The following PIAS2 variants were observed in gnomAD, a reference collection of about 807,000 sequenced individuals.
The protein encoded by PIAS2 is E3 SUMO-protein ligase PIAS2.
PIAS2 carries 19 observed loss-of-function variants against 69.7 expected under a neutral mutation model. The observed-to-expected ratio is 0.27, with a 90% CI of 0.19 to 0.40. The LOEUF is 0.40. Ranked by LOEUF, PIAS2 falls within the 10% of genes least tolerant of loss-of-function variation. The pLI is 1.00. For synonymous variants in PIAS2, 261 were observed against 263.2 expected (o/e 0.99, Z 0.08); for missense variants, 624 against 757.0 (o/e 0.82, Z 2.06).
At chr18:46,899,984 AT>A (rs1283170179) in intron 1 of PIAS2, among the ~76,000 whole-genome samples, 4 of 152,184 alleles carry the variant, frequency 2.6e-5, no homozygotes, top group Non-Finnish European at 4.4e-5. Context: ...GCAAGGGTGC[AT>A]TTTGGGAGGC....
chr18:46,916,895 A>G (rs536451236), intron 1 of PIAS2: 607 of 985,498 alleles, frequency 6.2e-4, no homozygotes, highest in Admixed American at 7.4e-4. Flanking sequence ...AGCTTTCAGA[A>G]AACAGTCCTC....
At chr18:46,889,991 A>G (rs1348883966) in intron 2 of PIAS2, among the ~76,000 whole-genome samples, 1 of 152,238 alleles carries the variant, frequency 6.6e-6, no homozygotes, top group African/African-American at 2.4e-5. Flanking sequence ...AATGTATACT[A>G]TTGTATTATT....
rs546859794 is a variant in PIAS2 at position 46,891,025 on chromosome 18, T to C, written c.54A>G (p.Glu18=). 1.4e-4 allele frequency: 226 copies of C among 1,601,138 alleles called. 2 individuals are homozygous for C. The South Asian group carries it at 2.0e-3, about 14-fold the overall frequency. ...CAGCAAAGCCTAGTAATACTTGTAG[T>C]TCAGAAACCCTAAAACTAGAAACCA... is the stretch of plus-strand genomic sequence containing the variant. ...RNMVSSFRVS[E]LQVLLGFAGR... The change falls in exon 2 of 14, where the codon GAA becomes GAG. Residue 18 remains glutamate, a synonymous_variant. Transcript: ENST00000585916.
chr18:46,855,640 G>A (rs1267857112), intron 3 of PIAS2, 25 bp from the exon 4 acceptor site: 1 of 1,564,678 alleles, frequency 6.4e-7, no homozygotes, highest in Non-Finnish European at 8.8e-7. Context: ...AAGAAAATGG[G>A]TTAAAAAAGT....
chr18:46,896,864 G>C (rs1404958674), intron 1 of PIAS2, among the ~76,000 whole-genome samples: 1 of 152,202 alleles, frequency 6.6e-6, no homozygotes, highest in Non-Finnish European at 1.5e-5. Flanking sequence ...CATAAATTAA[G>C]TAAATTGCTT....
At position 46,890,823 on chromosome 18, in the gene PIAS2, C is replaced by A. The variant is rs1240733771; in HGVS notation, c.256G>T (p.Asp86Tyr). ...GGTTCTACAGGTGATGAGCCACCAT[C>A]CAAACTGAAAACCGATGATTTGATT... ...STIKSSVFSLDGGSSPVEPDL... is the reference protein window; with the variant it reads ...STIKSSVFSLYGGSSPVEPDL... Residue 86 changes from aspartate to tyrosine, a missense_variant, in exon 2 of 14, where the codon GAT becomes TAT. Physicochemically the swap from Asp to Tyr is radical, Grantham distance 160. Transcript: ENST00000585916. The A allele has an allele frequency of 5.6e-6, 9 of 1,614,206 alleles. No individual in the cohort carries two copies. The South Asian group carries it at 9.9e-5, about 18-fold the overall frequency.
At chr18:46,918,802 T>C (rs2058306404), upstream of PIAS2, among the ~76,000 whole-genome samples, 1 of 152,134 alleles carries the variant, frequency 6.6e-6, no homozygotes, top group Non-Finnish European at 1.5e-5. Flanking sequence ...TCCTAACTCC[T>C]GTTCATCCTT....
In PIAS2 at chr18:46,884,789, T is replaced by C. The variant is rs574791579; in HGVS notation, c.499+5791A>G. ...TAAATTAGCCGGGCGTGGTGGCACA[T>C]GCCTGTAATCCCAGCTACTCGGGAG... On this transcript the variant is annotated intron_variant, in intron 2 of 13. Coordinates refer to ENST00000585916, the MANE Select transcript of PIAS2 (RefSeq NM_004671.5). Among the ~76,000 whole-genome samples, 939 of 152,098 alleles carry C rather than the reference T, an allele frequency of 6.2e-3. 4 individuals carry two copies. The highest frequency in any genetic ancestry group is 0.014 in the Middle Eastern group (4 of 294).
In PIAS2 at chr18:46,812,371, G is replaced by T; in HGVS notation, c.*62C>A. ...AAAAAAAAAAAAGAACGTTTCCACA[G>T]ACTAGAGATCCAAGAAAAAGCAGTT... On this transcript the variant is annotated 3_prime_UTR_variant, in exon 14 of 14. Transcript: ENST00000585916. 1.2e-5 allele frequency: 11 copies of T among 891,298 alleles called. No individual in the cohort carries two copies. Among genetic ancestry groups the T allele is most frequent in the Non-Finnish European group, 1.7e-5 (10 of 589,458 alleles). The allele number at this position is 891,298 out of a possible 1,614,324, so 55.2% of individuals were successfully genotyped here. A position where few individuals can be genotyped will look rare whatever the true frequency, so the allele number is the denominator to read the frequency against.
intron 11 of PIAS2, among the ~76,000 whole-genome samples, chr18:46,822,907 T>C (rs1039666347): frequency 2.0e-5 from 3 of 152,050 alleles, no homozygotes; most frequent in African/African-American, 7.2e-5. Flanking sequence ...CAAATATATA[T>C]ATAAAGTTTC....
intron 9 of PIAS2, among the ~76,000 whole-genome samples, chr18:46,833,989 C>G (rs1369014523): frequency 6.6e-6 from 1 of 151,556 alleles, no homozygotes; most frequent in African/African-American, 2.4e-5. Flanking sequence ...CAGTGTCATT[C>G]CTTACCTTCA....
intron 1 of PIAS2, among the ~76,000 whole-genome samples, chr18:46,896,789 G>C (rs1479598211): frequency 6.6e-6 from 1 of 152,198 alleles, no homozygotes; most frequent in Admixed American, 6.5e-5. Flanking sequence ...TTTCCTGTGA[G>C]TGTAGACATA....
intron 11 of PIAS2, among the ~76,000 whole-genome samples, chr18:46,825,296 G>C (rs2042703505): frequency 6.6e-6 from 1 of 152,190 alleles, no homozygotes; most frequent in African/African-American, 2.4e-5. Context: ...CACTGTGACA[G>C]GTGGCAGCCA....
intron 5 of PIAS2, among the ~76,000 whole-genome samples, chr18:46,849,562 G>A (rs1375161832): frequency 1.3e-5 from 2 of 151,736 alleles, no homozygotes; most frequent in Non-Finnish European, 2.9e-5. Flanking sequence ...GTAGTACTGT[G>A]ACACACTCAA....
chr18:46,877,485 CA>C (rs1209094488), intron 2 of PIAS2, among the ~76,000 whole-genome samples: 1 of 148,262 alleles, frequency 6.7e-6, no homozygotes. Context: ...CCTGACCACC[CA>C]TTCTGTAAAC....
At chr18:46,864,857 T>C (rs972496037) in intron 2 of PIAS2, among the ~76,000 whole-genome samples, 8 of 152,010 alleles carry the variant, frequency 5.3e-5, no homozygotes, top group Non-Finnish European at 1.2e-4. Flanking sequence ...TATTATCTAA[T>C]GAAAGGAAGT....
At chr18:46,840,989 A>T (rs1320078461) in intron 8 of PIAS2, among the ~76,000 whole-genome samples, 1 of 151,282 alleles carries the variant, frequency 6.6e-6, no homozygotes, top group Non-Finnish European at 1.5e-5. Context: ...TTTTTTTTAA[A>T]CATACTAGAA....
In PIAS2 at chr18:46,829,732, ACTTT is replaced by A. The variant is rs2043323989; in HGVS notation, c.1334_1336+1del. ...TACTCTCTGCTGCTATTCTACACAT[ACTTT>A]CTATTTTTGTACACGGTTGGCTGGA... On this transcript the variant is annotated splice_donor_variant and coding_sequence_variant, in exon 10 of 14. Coordinates refer to ENST00000585916, the MANE Select transcript of PIAS2 (RefSeq NM_004671.5). LOFTEE classifies it high-confidence loss of function. 1 of 1,612,036 alleles carries A rather than the reference ACTTT, an allele frequency of 6.2e-7. No homozygotes were observed. Among genetic ancestry groups the A allele is most frequent in the African/African-American group, 1.3e-5 (1 of 74,764 alleles).
intron 8 of PIAS2, among the ~76,000 whole-genome samples, chr18:46,839,836 G>T (rs1404039575): frequency 1.3e-5 from 2 of 148,698 alleles, no homozygotes; most frequent in Non-Finnish European, 3.0e-5. Flanking sequence ...CTGCACTCCA[G>T]CCTGGGCGAC....
Sources: gnomAD v4.1 joint callset for allele counts (sites outside exome capture counted in the v4.1 genomes callset) on GRCh38, gnomAD v4.1.1 for gene constraint, MANE v1.5 for transcripts, NCBI Gene and HGNC (gene_info 2026-07-23, HGNC 2026-07-21) for gene names.